CNTNAP5: variants seen among roughly 807,000 people sequenced by gnomAD.
CNTNAP5 encodes contactin associated protein family member 5.
In CNTNAP5, 72 loss-of-function variants were observed where a neutral mutation model predicts 150.2. That is an observed-to-expected ratio of 0.48 (90% CI 0.40 to 0.58). The LOEUF is 0.58. Among genes scored for constraint, CNTNAP5 ranks in the 20% least tolerant of loss-of-function variants. The pLI is 0.00. For missense variants in CNTNAP5, 1,636 were observed against 1,626.2 expected, an observed-to-expected ratio of 1.01 and a Z score of -0.10; for synonymous variants, 672 against 619.8, an observed-to-expected ratio of 1.08 and a Z score of -1.25.
At chr2:124,443,292 T>A (rs1476373377) in intron 5 of CNTNAP5, among the ~76,000 whole-genome samples, 1 of 149,696 alleles carries the variant, frequency 6.7e-6, no homozygotes, top group Non-Finnish European at 1.5e-5. Flanking sequence ...TATGTTATAT[T>A]TATATATGTA....
intron 3 of CNTNAP5, among the ~76,000 whole-genome samples, chr2:124,362,482 T>G (rs564467196): frequency 1.1e-4 from 16 of 152,248 alleles, no homozygotes; most frequent in Admixed American, 2.0e-4. Flanking sequence ...CTTATTTTTA[T>G]ATTACTATCA....
intron 1 of CNTNAP5, among the ~76,000 whole-genome samples, chr2:124,051,308 C>T (rs1681689045): frequency 6.6e-6 from 1 of 152,118 alleles, no homozygotes; most frequent in Admixed American, 6.5e-5. Context: ...CTGATGCAGG[C>T]TCCACTCTAA....
chr2:124,285,012 G>C (rs934711766), intron 3 of CNTNAP5, among the ~76,000 whole-genome samples: 1 of 152,102 alleles, frequency 6.6e-6, no homozygotes, highest in Non-Finnish European at 1.5e-5. Flanking sequence ...CAATCTCCTC[G>C]GCTCAAGCAG....
chr2:124,902,828 A>C (rs1268025297), intron 21 of CNTNAP5, 54 bp from the exon 22 acceptor site: 11 of 1,314,306 alleles, frequency 8.4e-6, no homozygotes, highest in Non-Finnish European at 1.1e-5. Flanking sequence ...CCCAGCATAT[A>C]ATTTGGAAAA....
rs1421869125 is a variant in CNTNAP5 at position 124,914,165 on chromosome 2, G to A, written c.3801G>A (p.Lys1267=). ...GIMTRFLYQH[K]QSHRTSQMKE... ...TGACCCGGTTCCTCTACCAGCACAA[G>A]CAGTCACATCGTACGAGCCAGATGA... The change falls in exon 24 of 24, where the codon AAG becomes AAA. Residue 1267 remains lysine, a synonymous_variant. Transcript: ENST00000682447. 12 of 1,612,478 alleles carry A rather than the reference G, an allele frequency of 7.4e-6. No individual in the cohort carries two copies. In the East Asian group the frequency reaches 2.5e-4, roughly 33 times the overall value.
chr2:124,654,088 G>A lies in CNTNAP5; in HGVS notation c.2077+6130G>A, dbSNP rs567819059. Among the ~76,000 whole-genome samples, 18 of 152,290 alleles carry A rather than the reference G, an allele frequency of 1.2e-4. No homozygotes were observed. The East Asian group carries it at 2.5e-3, about 21-fold the overall frequency. On this transcript the variant is annotated intron_variant, in intron 13 of 23. Transcript: ENST00000682447. Reference sequence around the variant, plus strand: ...CAGCAGGACCCTGAGTGAAGGGACAGGATGAGGCAGGTGCCTTTTTGGGGC... The same window carrying A: ...CAGCAGGACCCTGAGTGAAGGGACAAGATGAGGCAGGTGCCTTTTTGGGGC...
At chr2:124,753,830 T>C (rs950437024) in intron 14 of CNTNAP5, among the ~76,000 whole-genome samples, 1 of 152,246 alleles carries the variant, frequency 6.6e-6, no homozygotes, top group Admixed American at 6.5e-5. Flanking sequence ...TATAAATATA[T>C]ACAATTTTTG....
At chr2:124,185,654 A>C (rs997130709) in intron 1 of CNTNAP5, among the ~76,000 whole-genome samples, 3 of 152,190 alleles carry the variant, frequency 2.0e-5, no homozygotes, top group Non-Finnish European at 4.4e-5. Context: ...CACCAGCCAC[A>C]CTAAAGAAGA....
chr2:124,369,610 A>G (rs983870243), intron 3 of CNTNAP5, among the ~76,000 whole-genome samples: 2 of 152,286 alleles, frequency 1.3e-5, no homozygotes, highest in East Asian at 1.9e-4. Flanking sequence ...TAACCTGTCA[A>G]ATTGTGATTT....
chr2:124,753,342 G>A (rs943955131), intron 14 of CNTNAP5, among the ~76,000 whole-genome samples: 3 of 152,130 alleles, frequency 2.0e-5, no homozygotes, highest in African/African-American at 7.2e-5. Context: ...TTTAATAAAT[G>A]TTGCTAAATT....
chr2:124,114,528 C>A (rs899012031), intron 1 of CNTNAP5, among the ~76,000 whole-genome samples: 1 of 151,786 alleles, frequency 6.6e-6, no homozygotes, highest in East Asian at 1.9e-4. Flanking sequence ...TGAATTTTAT[C>A]ACATTTTTTG....
chr2:124,913,078 T>A (rs896503427), intron 23 of CNTNAP5, among the ~76,000 whole-genome samples: 72 of 152,216 alleles, frequency 4.7e-4, no homozygotes, highest in African/African-American at 1.5e-3. Context: ...AATCCATTTA[T>A]GAAACTTACA....
chr2:124,365,631 C>A (rs942961477), intron 3 of CNTNAP5, among the ~76,000 whole-genome samples: 2 of 152,112 alleles, frequency 1.3e-5, no homozygotes, highest in South Asian at 4.1e-4. Context: ...TTCCTTAGAC[C>A]TGAATTTGAG....
intron 3 of CNTNAP5, among the ~76,000 whole-genome samples, chr2:124,349,874 C>CTATTTCTTTTT (rs1689830963): frequency 1.2e-5 from 1 of 81,840 alleles, no homozygotes; most frequent in Non-Finnish European, 2.2e-5. Context: ...CTGGCTATTT[C>CTATTTCTTTTT]TTTTTTTTTT....
intron 1 of CNTNAP5, among the ~76,000 whole-genome samples, chr2:124,061,104 G>A (rs115116684): frequency 1.3e-3 from 194 of 152,160 alleles, no homozygotes; most frequent in African/African-American, 4.2e-3. Context: ...GTTCCTGAAG[G>A]CCAGGGAAGC....
intron 12 of CNTNAP5, among the ~76,000 whole-genome samples, chr2:124,621,511 C>A (rs72972593): frequency 0.01 from 1,567 of 152,316 alleles, 27 homozygotes; most frequent in African/African-American, 0.036. Context: ...TTCATTAAAA[C>A]TCATCAAAGC....
chr2:124,343,324 TAAAGA>T (rs1689663316), intron 3 of CNTNAP5, among the ~76,000 whole-genome samples: 1 of 152,202 alleles, frequency 6.6e-6, no homozygotes, highest in South Asian at 2.1e-4. Context: ...GAATGTAACT[TAAAGA>T]AAGTTAAATA....
chr2:124,757,419 G>A (rs1385043114), intron 14 of CNTNAP5, among the ~76,000 whole-genome samples: 1 of 152,204 alleles, frequency 6.6e-6, no homozygotes, highest in Non-Finnish European at 1.5e-5. Flanking sequence ...TTCCAGCACA[G>A]TCCAGAGGCG....
chr2:124,713,237 TTCTTTCTCTTTCTTTC>T (rs1445173713), intron 13 of CNTNAP5, among the ~76,000 whole-genome samples: 1 of 49,390 alleles, frequency 2.0e-5, no homozygotes, highest in African/African-American at 7.8e-5. Flanking sequence ...CTTTCTTTCT[TTCTTTCTCTTTCTTTC>T]TTTCTTTCTT....
Sources: allele counts gnomAD v4.1 joint callset (sites outside exome capture counted in the v4.1 genomes callset), GRCh38; gene constraint gnomAD v4.1.1; transcripts MANE v1.5; gene names NCBI Gene and HGNC (gene_info 2026-07-23, HGNC 2026-07-21).